FMN1: variants seen among roughly 807,000 people sequenced by gnomAD.
FMN1 encodes formin 1, also known as formin-1.
In FMN1, 110 loss-of-function variants were observed where a neutral mutation model predicts 132.4. The observed-to-expected ratio is 0.83, with a 90% CI of 0.71 to 0.97. The LOEUF is 0.97. FMN1 is among the 50% of genes least tolerant of loss of function. The pLI, the probability that FMN1 is intolerant of heterozygous loss-of-function variation, is 0.00. For missense variants in FMN1, 1,792 were observed against 1,705.3 expected (o/e 1.05, Z -0.90); for synonymous variants, 722 against 651.7 (o/e 1.11, Z -1.64).
chr15:32,862,041 C>T (rs1046871010), intron 16 of FMN1, among the ~76,000 whole-genome samples: 1 of 152,154 alleles, frequency 6.6e-6, no homozygotes, highest in Non-Finnish European at 1.5e-5. Flanking sequence ...CTCCGACGGT[C>T]CCCACAGAGC....
chr15:32,858,214 T>A (rs1328407926), intron 16 of FMN1, among the ~76,000 whole-genome samples: 1 of 152,210 alleles, frequency 6.6e-6, no homozygotes, highest in Non-Finnish European at 1.5e-5. Flanking sequence ...TAATTTGGCA[T>A]ATTTAAAACT....
chr15:32,789,997 T>C (rs531439411), intron 19 of FMN1, among the ~76,000 whole-genome samples: 1 of 151,874 alleles, frequency 6.6e-6, no homozygotes, highest in East Asian at 1.9e-4. Flanking sequence ...AATGATGAAA[T>C]CACCTAACAA....
chr15:32,822,623 T>A (rs73386863), intron 17 of FMN1, among the ~76,000 whole-genome samples: 5,520 of 152,276 alleles, frequency 0.036, 159 homozygotes, highest in East Asian at 0.086. Flanking sequence ...AGGGTGCACA[T>A]ATGTGTACAT....
chr15:32,865,635 G>A (rs1372949887), intron 16 of FMN1, among the ~76,000 whole-genome samples: 1 of 152,092 alleles, frequency 6.6e-6, no homozygotes, highest in East Asian at 1.9e-4. Flanking sequence ...TTGGGAGTTC[G>A]AGACCAGCCT....
At chr15:33,006,006 A>T (rs1451810368) in intron 7 of FMN1, among the ~76,000 whole-genome samples, 1 of 152,192 alleles carries the variant, frequency 6.6e-6, no homozygotes, top group Non-Finnish European at 1.5e-5. Context: ...CTGGATGGGT[A>T]GGGCTTGAAT....
At chr15:33,012,717 C>G (rs2034798124) in intron 6 of FMN1, 1 of 763,788 alleles carries the variant, frequency 1.3e-6, no homozygotes, top group Non-Finnish European at 2.4e-6. Flanking sequence ...GTTCTGGAAA[C>G]TTTCGTGGTG....
chr15:33,069,620 T>C (rs1452234620), intron 5 of FMN1, among the ~76,000 whole-genome samples: 1 of 152,214 alleles, frequency 6.6e-6, no homozygotes, highest in African/African-American at 2.4e-5. Context: ...GCATCAATAC[T>C]GAGAAATTCT....
intron 4 of FMN1, among the ~76,000 whole-genome samples, chr15:33,100,510 G>GGGA (rs2039254381): frequency 6.7e-6 from 1 of 149,556 alleles, no homozygotes; most frequent in Non-Finnish European, 1.5e-5. Context: ...AAGGAGGAAA[G>GGGA]GGAGGAGGAG....
At chr15:32,944,560 T>C (rs572060089) in intron 9 of FMN1, among the ~76,000 whole-genome samples, 85 of 152,312 alleles carry the variant, frequency 5.6e-4, no homozygotes, top group African/African-American at 1.9e-3. Flanking sequence ...ACACATAAAA[T>C]TGCTTGGATG....
chr15:33,057,100 C>G (rs922697481), intron 6 of FMN1, among the ~76,000 whole-genome samples: 1 of 152,206 alleles, frequency 6.6e-6, no homozygotes, highest in African/African-American at 2.4e-5. Flanking sequence ...ATGGGTTGAA[C>G]ACAGAAGCAG....
rs1327641316 is a variant in FMN1 at position 33,023,072 on chromosome 15, A to G, written c.2162-14997T>C. On this transcript the variant is annotated intron_variant, in intron 6 of 20. Coordinates refer to ENST00000616417, the MANE Select transcript of FMN1 (RefSeq NM_001277313.2). ...CCCTCCCCCACCCAAAAAAAAAAAA[A>G]AAAAAGAAAAAAAAGACCAAACCTC... Among the ~76,000 whole-genome samples the G allele has an allele frequency of 6.3e-3, 493 of 78,158 alleles. 3 individuals are homozygous for G. Among genetic ancestry groups the G allele is most frequent in the African/African-American group, 8.9e-3 (214 of 23,980 alleles). The allele number at this position is 78,158 out of a possible 152,430, so 51.3% of individuals were successfully genotyped here.
chr15:32,777,804 TATA>T (rs1440489352), intron 19 of FMN1, among the ~76,000 whole-genome samples: 1 of 89,884 alleles, frequency 1.1e-5, no homozygotes, highest in African/African-American at 4.6e-5. Context: ...TTATGTATAA[TATA>T]ATACATTTAT....
chr15:32,786,159 T>G (rs2056871047), intron 19 of FMN1, among the ~76,000 whole-genome samples: 1 of 151,848 alleles, frequency 6.6e-6, no homozygotes, highest in Admixed American at 6.6e-5. Flanking sequence ...AAGACAGGAG[T>G]TCAGAATCTC....
intron 6 of FMN1, among the ~76,000 whole-genome samples, chr15:33,056,874 G>T (rs548994932): frequency 1.3e-5 from 2 of 152,286 alleles, no homozygotes; most frequent in South Asian, 4.1e-4. Flanking sequence ...TTTATATTAA[G>T]TTCAAAAGCA....
At chr15:33,109,494 G>A (rs1027997134) in intron 4 of FMN1, among the ~76,000 whole-genome samples, 4 of 152,052 alleles carry the variant, frequency 2.6e-5, no homozygotes, top group Admixed American at 1.3e-4. Context: ...TAACACCATG[G>A]AATACTACAC....
chr15:32,938,602 T>C (rs991776686), intron 9 of FMN1, among the ~76,000 whole-genome samples: 1 of 152,206 alleles, frequency 6.6e-6, no homozygotes, highest in African/African-American at 2.4e-5. Flanking sequence ...TCCTTAGTCA[T>C]GCAAGTTTGT....
At chr15:33,074,665 A>C (rs144322642) in intron 5 of FMN1, among the ~76,000 whole-genome samples, 2,835 of 152,310 alleles carry the variant, frequency 0.019, 59 homozygotes, top group South Asian at 0.09. Flanking sequence ...AAAGGAAGAC[A>C]GCAGTGGGTA....
chr15:32,998,151 T>C (rs926803176), intron 7 of FMN1, among the ~76,000 whole-genome samples: 5 of 152,210 alleles, frequency 3.3e-5, no homozygotes, highest in Admixed American at 6.5e-5. Flanking sequence ...TTAAATGTTA[T>C]TGTGCTCAAT....
intron 4 of FMN1, among the ~76,000 whole-genome samples, chr15:33,104,112 C>T (rs1292378837): frequency 2.0e-5 from 3 of 152,058 alleles, no homozygotes; most frequent in Admixed American, 6.6e-5. Flanking sequence ...AAACTTTTAT[C>T]AATACAGTCA....
Sources: allele counts gnomAD v4.1 joint callset (sites outside exome capture counted in the v4.1 genomes callset), GRCh38; gene constraint gnomAD v4.1.1; transcripts MANE v1.5; gene names NCBI Gene and HGNC (gene_info 2026-07-23, HGNC 2026-07-21).